The following APELA variants were observed in gnomAD, a reference collection of about 807,000 sequenced individuals.
APELA encodes the protein apelin receptor early endogenous ligand, also known as protein Elabela.
At chr4:164,883,599 G>A (rs1193173173) in intron 2 of APELA, among the ~76,000 whole-genome samples, 1 of 148,642 alleles carries the variant, frequency 6.7e-6, no homozygotes, top group African/African-American at 2.5e-5. Flanking sequence ...TTATCCTCCT[G>A]CCTCAGCCTT....
At chr4:164,883,752 C>G (rs1730704888) in intron 2 of APELA, among the ~76,000 whole-genome samples, 1 of 151,706 alleles carries the variant, frequency 6.6e-6, no homozygotes, top group African/African-American at 2.4e-5. Context: ...TCCCAAAGTG[C>G]TGGGATTACA....
intron 1 of APELA, among the ~76,000 whole-genome samples, chr4:164,877,705 CAG>C (rs562533350): frequency 1.8e-3 from 270 of 152,144 alleles, no homozygotes; most frequent in Non-Finnish European, 3.0e-3. Flanking sequence ...TAAAATGAAA[CAG>C]AAGTGTTCGT....
At chr4:164,892,181 T>G (rs1436082077) in intron 2 of APELA, among the ~76,000 whole-genome samples, 1 of 151,858 alleles carries the variant, frequency 6.6e-6, no homozygotes, top group Non-Finnish European at 1.5e-5. Context: ...GCAGGTGTGG[T>G]GGCATGCACC....
At chr4:164,886,440 C>T (rs1182295690) in intron 2 of APELA, among the ~76,000 whole-genome samples, 2 of 151,992 alleles carry the variant, frequency 1.3e-5, no homozygotes, top group African/African-American at 4.8e-5. Context: ...TCTTTTAAGA[C>T]CAGGAGTTTG....
intron 2 of APELA, among the ~76,000 whole-genome samples, chr4:164,881,409 GA>G (rs1481439131): frequency 6.6e-6 from 1 of 152,086 alleles, no homozygotes; most frequent in Non-Finnish European, 1.5e-5. Context: ...TCTTTTAATA[GA>G]AATGTCATAT....
chr4:164,882,910 A>ATGT (rs1730689280), intron 2 of APELA, among the ~76,000 whole-genome samples: 1 of 152,186 alleles, frequency 6.6e-6, no homozygotes, highest in Non-Finnish European at 1.5e-5. Flanking sequence ...TGTCCCTACA[A>ATGT]AGGACATGAA....
chr4:164,888,609 A>C (rs2111062712), intron 2 of APELA, among the ~76,000 whole-genome samples: 1 of 152,210 alleles, frequency 6.6e-6, no homozygotes, highest in South Asian at 2.1e-4. Flanking sequence ...GCCATTGTAC[A>C]CTTGTACATA....
downstream of APELA, among the ~76,000 whole-genome samples, chr4:164,898,324 A>G (rs898803355): frequency 2.0e-5 from 3 of 151,408 alleles, no homozygotes; most frequent in Non-Finnish European, 3.0e-5. Context: ...CAACATGGAG[A>G]AACCCCATCT....
intron 2 of APELA, among the ~76,000 whole-genome samples, chr4:164,882,927 A>G (rs1730689693): frequency 6.6e-6 from 1 of 152,110 alleles, no homozygotes; most frequent in African/African-American, 2.4e-5. Flanking sequence ...TGAACTCATC[A>G]TTTTTTATGG....
intron 2 of APELA, among the ~76,000 whole-genome samples, chr4:164,882,353 C>A (rs889233856): frequency 4.6e-4 from 70 of 152,026 alleles, no homozygotes; most frequent in African/African-American, 1.5e-3. Flanking sequence ...TCTGCCCCCC[C>A]TCAGACTCCC....
At chr4:164,891,602 TGTATAG>T (rs1323654966) in intron 2 of APELA, among the ~76,000 whole-genome samples, 1 of 152,198 alleles carries the variant, frequency 6.6e-6, no homozygotes, top group African/African-American at 2.4e-5. Context: ...CCATTGCTAA[TGTATAG>T]GCATATGATT....
In APELA at chr4:164,889,502, G is replaced by A. The variant is rs963974286; in HGVS notation, c.*2-5914G>A. On this transcript the variant is annotated intron_variant, in intron 2 of 2. Coordinates refer to ENST00000507152, the MANE Select transcript of APELA (RefSeq NM_001297550.2). ...AACACATATGAAATCCATTTACTAC[G>A]TTTATCTTTTACTTAGATGTATTTA... is the stretch of plus-strand genomic sequence containing the variant. Among the ~76,000 whole-genome samples the A allele has an allele frequency of 1.1e-4, 17 of 151,856 alleles. No homozygotes were observed. The South Asian group carries it at 1.3e-3, about 11-fold the overall frequency.
intron 2 of APELA, among the ~76,000 whole-genome samples, chr4:164,883,952 A>G (rs1051960178): frequency 2.6e-5 from 4 of 151,538 alleles, no homozygotes; most frequent in Non-Finnish European, 5.9e-5. Context: ...CGAAAGAGAC[A>G]AAGACAGAAA....
intron 2 of APELA, among the ~76,000 whole-genome samples, chr4:164,891,660 A>C (rs563381588): frequency 6.6e-6 from 1 of 152,290 alleles, no homozygotes; most frequent in East Asian, 1.9e-4. Context: ...TAATAAAATT[A>C]TTGATTCATT....
intron 2 of APELA, among the ~76,000 whole-genome samples, chr4:164,882,768 C>T (rs1212055389): frequency 1.3e-5 from 2 of 151,938 alleles, no homozygotes; most frequent in African/African-American, 4.8e-5. Context: ...CACAACAGTC[C>T]CTGGTGTGTG....
intron 2 of APELA, among the ~76,000 whole-genome samples, chr4:164,883,484 C>CTTTTTTTTTTTTTTTTTTTTTTTTTTTT (rs758157733): frequency 7.7e-6 from 1 of 129,368 alleles, no homozygotes. Flanking sequence ...TCTAGTCTTT[C>CTTTTTTTTTTTTTTTTTTTTTTTTTTTT]TTTTTCTTTT....
rs1481193859 is a variant in APELA, at chr4:164,895,717, G to A, written c.*303G>A. On this transcript the variant is annotated 3_prime_UTR_variant, in exon 3 of 3. Coordinates refer to ENST00000507152, the MANE Select transcript of APELA (RefSeq NM_001297550.2). ...TCCTGCACATTATTATTCTTTTATG[G>A]GTTAAAAAGAAAAATACCTTTTAGT... The A allele has an allele frequency of 6.6e-6, 1 of 151,952 alleles. No individual in the cohort carries two copies. The highest frequency in any genetic ancestry group is 2.4e-5 in the African/African-American group (1 of 41,348). The allele number at this position is 151,952 out of a possible 1,614,324, so 9.4% of individuals were successfully genotyped here.
chr4:164,884,121 G>GAATGAAAGAA (rs5863729), intron 2 of APELA, among the ~76,000 whole-genome samples: 7 of 113,378 alleles, frequency 6.2e-5, no homozygotes, highest in African/African-American at 2.6e-4. Flanking sequence ...AAGAAAGAAA[G>GAATGAAAGAA]AGAAAGAAAG....
chr4:164,885,524 T>C (rs747381052), intron 2 of APELA, among the ~76,000 whole-genome samples: 54 of 151,844 alleles, frequency 3.6e-4, no homozygotes, highest in Non-Finnish European at 5.4e-4. Flanking sequence ...GCAGATCGCT[T>C]GAGGTCAGGA....
Sources: gnomAD v4.1 joint callset for allele counts (sites outside exome capture counted in the v4.1 genomes callset) on GRCh38, gnomAD v4.1.1 for gene constraint, MANE v1.5 for transcripts, NCBI Gene and HGNC (gene_info 2026-07-23, HGNC 2026-07-21) for gene names.